The following RNF180 variants were observed in gnomAD, a reference collection of about 807,000 sequenced individuals.
The protein encoded by RNF180 is E3 ubiquitin-protein ligase RNF180.
A neutral mutation model predicts 59.2 loss-of-function variants in RNF180; 38 were observed. The observed-to-expected ratio is 0.64, with a 90% CI of 0.50 to 0.84. RNF180 has a LOEUF of 0.84. Among genes scored for constraint, RNF180 ranks in the 40% least tolerant of loss-of-function variants. The probability of loss-of-function intolerance (pLI) is 0.00; values close to 1 mark genes in which losing one functional copy is unlikely to be tolerated. For missense variants in RNF180, 705 were observed against 700.9 expected, an observed-to-expected ratio of 1.01 and a Z score of -0.07; for synonymous variants, 262 against 240.3, an observed-to-expected ratio of 1.09 and a Z score of -0.84.
chr5:64,235,046 G>T (rs1197997179), intron 5 of RNF180, among the ~76,000 whole-genome samples: 3 of 152,176 alleles, frequency 2.0e-5, no homozygotes, highest in Non-Finnish European at 4.4e-5. Context: ...GGAGGCCAGG[G>T]CAGGAGGATC....
At chr5:64,241,197 T>C (rs956546226) in intron 5 of RNF180, among the ~76,000 whole-genome samples, 1 of 152,208 alleles carries the variant, frequency 6.6e-6, no homozygotes, top group South Asian at 2.1e-4. Flanking sequence ...CCAGCCTCCT[T>C]CTTTGCCTGC....
chr5:64,308,883 G>A (rs1437252356), intron 5 of RNF180, among the ~76,000 whole-genome samples: 1 of 151,568 alleles, frequency 6.6e-6, no homozygotes, highest in African/African-American at 2.4e-5. Flanking sequence ...CTCCCCCATA[G>A]GCAAATGCAT....
At chr5:64,239,508 T>G (rs1742666911) in intron 5 of RNF180, among the ~76,000 whole-genome samples, 1 of 152,186 alleles carries the variant, frequency 6.6e-6, no homozygotes, top group Admixed American at 6.5e-5. Flanking sequence ...GAAACAAGAA[T>G]GGAGTAGTCT....
chr5:64,355,306 A>G lies in RNF180; in HGVS notation c.1580-14309A>G, dbSNP rs553903046. On this transcript the variant is annotated intron_variant, in intron 7 of 7. Coordinates refer to ENST00000389100, the MANE Select transcript of RNF180 (RefSeq NM_001113561.2). Reference sequence around the variant, plus strand: ...CAATCCAGAAAGGACACTAAAAGCAATTCGATTTACAATAGCATCTAAAAG... The same window carrying G: ...CAATCCAGAAAGGACACTAAAAGCAGTTCGATTTACAATAGCATCTAAAAG... 3.3e-5 allele frequency among the ~76,000 whole-genome samples: 5 copies of G among 152,028 alleles called. No individual in the cohort carries two copies. In the South Asian group the frequency reaches 1.0e-3, roughly 31 times the overall value.
At chr5:64,276,961 C>T (rs986054742) in intron 5 of RNF180, among the ~76,000 whole-genome samples, 10 of 152,024 alleles carry the variant, frequency 6.6e-5, no homozygotes, top group African/African-American at 2.2e-4. Context: ...ATCTTCTCTT[C>T]ATGTTTTTCT....
chr5:64,180,068 T>A (rs951390862), intron 1 of RNF180, among the ~76,000 whole-genome samples: 3 of 152,248 alleles, frequency 2.0e-5, no homozygotes, highest in African/African-American at 7.2e-5. Context: ...TTGTTCATTT[T>A]TCTGCTGGAT....
At chr5:64,169,312 C>T (rs1168863558) in intron 1 of RNF180, among the ~76,000 whole-genome samples, 1 of 152,170 alleles carries the variant, frequency 6.6e-6, no homozygotes, top group African/African-American at 2.4e-5. Context: ...AAACTTAGGG[C>T]ATTAACGCTA....
intron 6 of RNF180, among the ~76,000 whole-genome samples, chr5:64,327,588 A>G (rs938792896): frequency 6.6e-6 from 1 of 152,144 alleles, no homozygotes; most frequent in Non-Finnish European, 1.5e-5. Flanking sequence ...ATAGTTTCTA[A>G]TGTTCCTCTT....
chr5:64,355,346 GAAT>G (rs763485924), intron 7 of RNF180, among the ~76,000 whole-genome samples: 3 of 151,830 alleles, frequency 2.0e-5, no homozygotes, highest in Non-Finnish European at 2.9e-5. Flanking sequence ...AAATACCTAG[GAAT>G]AATTTTAAGC....
intron 5 of RNF180, among the ~76,000 whole-genome samples, chr5:64,239,487 G>T (rs1742665783): frequency 6.6e-6 from 1 of 152,234 alleles, no homozygotes; most frequent in East Asian, 1.9e-4. Flanking sequence ...TTTTTAAAAT[G>T]TGTCTGGTTT....
chr5:64,227,515 C>T (rs1741842665), intron 5 of RNF180, among the ~76,000 whole-genome samples: 1 of 152,194 alleles, frequency 6.6e-6, no homozygotes, highest in Non-Finnish European at 1.5e-5. Context: ...GGTCACCCCA[C>T]ATGCCCTGAC....
chr5:64,357,776 G>A (rs953320906), intron 7 of RNF180, among the ~76,000 whole-genome samples: 5 of 151,754 alleles, frequency 3.3e-5, no homozygotes, highest in African/African-American at 4.8e-5. Context: ...CTTTGATGGC[G>A]AATATAAATT....
chr5:64,181,655 T>C (rs1386942447), intron 1 of RNF180, among the ~76,000 whole-genome samples: 1 of 152,156 alleles, frequency 6.6e-6, no homozygotes, highest in African/African-American at 2.4e-5. Flanking sequence ...ATGGGTAGTT[T>C]CCCTCAGCTT....
intron 5 of RNF180, among the ~76,000 whole-genome samples, chr5:64,245,550 G>A (rs1001577543): frequency 3.3e-5 from 5 of 152,100 alleles, no homozygotes; most frequent in African/African-American, 1.2e-4. Context: ...AAGGATTAAT[G>A]CAACAAGAAG....
chr5:64,326,125 A>G (rs894663073), intron 6 of RNF180, among the ~76,000 whole-genome samples: 2 of 152,140 alleles, frequency 1.3e-5, no homozygotes, highest in Admixed American at 6.5e-5. Flanking sequence ...AGTATGTACT[A>G]CATTAATAGT....
intron 7 of RNF180, among the ~76,000 whole-genome samples, chr5:64,369,002 C>T (rs1490012532): frequency 3.3e-5 from 5 of 152,070 alleles, no homozygotes; most frequent in Admixed American, 6.6e-5. Flanking sequence ...TATAAAGACA[C>T]GTGCACACGT....
intron 5 of RNF180, among the ~76,000 whole-genome samples, chr5:64,252,598 G>T (rs1222424729): frequency 1.3e-5 from 2 of 152,178 alleles, no homozygotes; most frequent in East Asian, 3.9e-4. Context: ...AAGATGGCAG[G>T]TCTCATAGAA....
chr5:64,165,650 T>A (rs1180407979), upstream of RNF180, among the ~76,000 whole-genome samples: 4 of 152,188 alleles, frequency 2.6e-5, no homozygotes, highest in African/African-American at 9.6e-5. Context: ...GGCGCTTGTC[T>A]GCCTGCGCGG....
At chr5:64,290,638 T>C (rs1489668947) in intron 5 of RNF180, among the ~76,000 whole-genome samples, 1 of 152,188 alleles carries the variant, frequency 6.6e-6, no homozygotes, top group African/African-American at 2.4e-5. Context: ...TGTAATGCCC[T>C]TCCTTGTCTT....
Sources: gnomAD v4.1 joint callset for allele counts (sites outside exome capture counted in the v4.1 genomes callset) on GRCh38, gnomAD v4.1.1 for gene constraint, MANE v1.5 for transcripts, NCBI Gene and HGNC (gene_info 2026-07-23, HGNC 2026-07-21) for gene names.